The following LHCGR variants were observed in gnomAD, a reference collection of about 807,000 sequenced individuals.
LHCGR encodes the protein lutropin-choriogonadotropic hormone receptor.
Under a neutral mutation model 60.7 loss-of-function variants are expected in LHCGR, and 55 were observed. The observed-to-expected ratio is 0.91, with a 90% CI of 0.73 to 1.13. LHCGR has a LOEUF of 1.13. Ranked by LOEUF, LHCGR falls within the 50% of genes most tolerant of loss-of-function variation. The probability of loss-of-function intolerance (pLI) is 0.00; values close to 1 mark genes in which losing one functional copy is unlikely to be tolerated. For synonymous variants in LHCGR, 337 were observed against 316.5 expected, an observed-to-expected ratio of 1.06 and a Z score of -0.69; for missense variants, 862 against 836.0, an observed-to-expected ratio of 1.03 and a Z score of -0.38.
At chr2:48,755,489 G>T in intron 1 of LHCGR, 22 bp downstream of exon 1, 3 of 1,487,416 alleles carry the variant, frequency 2.0e-6, no homozygotes, top group South Asian at 1.2e-5. Context: ...AGGGCGCCGC[G>T]ACGGGAGCGC....
chr2:48,718,376 C>G (rs935647696), intron 6 of LHCGR, among the ~76,000 whole-genome samples: 1 of 152,090 alleles, frequency 6.6e-6, no homozygotes, highest in Non-Finnish European at 1.5e-5. Context: ...TTATAATGAA[C>G]CCCAAATATT....
chr2:48,723,769 A>C, intron 4 of LHCGR, 73 bp from the exon 5 acceptor site: 1 of 1,120,378 alleles, frequency 8.9e-7, no homozygotes, highest in Non-Finnish European at 1.4e-6. Flanking sequence ...CATAAAGATA[A>C]AAAGAGAGTA....
chr2:48,706,980 T>C (rs748441136), intron 8 of LHCGR, among the ~76,000 whole-genome samples: 35 of 152,190 alleles, frequency 2.3e-4, no homozygotes, highest in Admixed American at 3.3e-4. Context: ...TGTTCTGGTT[T>C]TTGGAATTTT....
chr2:48,717,342 T>C (rs1668295590), intron 6 of LHCGR, among the ~76,000 whole-genome samples: 1 of 152,342 alleles, frequency 6.6e-6, no homozygotes, highest in South Asian at 2.1e-4. Context: ...CTGAACCCAA[T>C]TGCTTGAATC....
At chr2:48,717,081 T>C (rs550777881) in intron 6 of LHCGR, among the ~76,000 whole-genome samples, 4 of 152,278 alleles carry the variant, frequency 2.6e-5, no homozygotes, top group East Asian at 3.9e-4. Flanking sequence ...TGGCTTGGAA[T>C]TGTGTCCAGA....
At chr2:48,731,906 A>T (rs558517330) in intron 1 of LHCGR, among the ~76,000 whole-genome samples, 2 of 152,202 alleles carry the variant, frequency 1.3e-5, no homozygotes, top group African/African-American at 4.8e-5. Context: ...GCCTATTTCA[A>T]TATTATTCCA....
chr2:48,721,892 C>T, intron 6 of LHCGR: 1 of 420,850 alleles, frequency 2.4e-6, no homozygotes, highest in South Asian at 1.8e-5. Context: ...TGACTCATGC[C>T]TGTTTTCCCA....
At chr2:48,689,385 T>C (rs1188338123) in intron 10 of LHCGR, among the ~76,000 whole-genome samples, 1 of 152,178 alleles carries the variant, frequency 6.6e-6, no homozygotes, top group East Asian at 1.9e-4. Context: ...ACCAAGCTGT[T>C]CGTATGTAGT....
chr2:48,742,243 G>A (rs1366918696), intron 1 of LHCGR, among the ~76,000 whole-genome samples: 4 of 151,872 alleles, frequency 2.6e-5, no homozygotes. Flanking sequence ...ATTAATAATG[G>A]GAGACTTTAA....
intron 8 of LHCGR, among the ~76,000 whole-genome samples, chr2:48,703,004 G>A (rs1419298223): frequency 6.6e-6 from 1 of 152,174 alleles, no homozygotes; most frequent in Non-Finnish European, 1.5e-5. Context: ...GTTTTGATTT[G>A]CATTTCTCTC....
chr2:48,711,142 G>A (rs980143262), intron 7 of LHCGR, among the ~76,000 whole-genome samples: 2 of 152,256 alleles, frequency 1.3e-5, no homozygotes, highest in Middle Eastern at 3.4e-3. Context: ...TGACACAGTG[G>A]AATCCTTGTC....
intron 1 of LHCGR, among the ~76,000 whole-genome samples, chr2:48,737,045 G>A (rs35429744): frequency 0.084 from 12,787 of 152,250 alleles, 809 homozygotes; most frequent in East Asian, 0.21. Context: ...GGTGCAGAGG[G>A]AGAGAAGAGC....
intron 10 of LHCGR, among the ~76,000 whole-genome samples, chr2:48,690,563 T>C (rs1680181196): frequency 6.6e-6 from 1 of 152,180 alleles, no homozygotes; most frequent in African/African-American, 2.4e-5. Context: ...TTCCCTTTGG[T>C]CACATAAAAT....
chr2:48,689,600 G>C (rs1475460933), intron 10 of LHCGR, among the ~76,000 whole-genome samples: 1 of 152,214 alleles, frequency 6.6e-6, no homozygotes, highest in Non-Finnish European at 1.5e-5. Context: ...TTAGGGGTAT[G>C]AGTCAAAGAC....
In LHCGR at chr2:48,686,812, A is replaced by G. The variant is rs1309412004; in HGVS notation, c.*885T>C. ...TTTAAACATTTTATTTCATTCAAAT[A>G]AAAATATAAGCTCTAGAAAAAATTG... On this transcript the variant is annotated 3_prime_UTR_variant, in exon 11 of 11. Transcript: ENST00000294954. The G allele has an allele frequency of 6.6e-6, 1 of 152,172 alleles. No individual in the cohort carries two copies. Among genetic ancestry groups the G allele is most frequent in the Non-Finnish European group, 1.5e-5 (1 of 68,030 alleles). The allele number at this position is 152,172 out of a possible 1,614,324, so 9.4% of individuals were successfully genotyped here.
intron 1 of LHCGR, among the ~76,000 whole-genome samples, chr2:48,735,875 G>T (rs1669186789): frequency 6.6e-6 from 1 of 152,160 alleles, no homozygotes; most frequent in South Asian, 2.1e-4. Flanking sequence ...CCCAGTGTTG[G>T]AGGTGGGGCT....
At chr2:48,693,836 CT>C (rs760114382) in intron 10 of LHCGR, among the ~76,000 whole-genome samples, 1 of 152,146 alleles carries the variant, frequency 6.6e-6, no homozygotes, top group Non-Finnish European at 1.5e-5. Flanking sequence ...GAAGTGGCTA[CT>C]TTTAAGCTAC....
At chr2:48,693,540 G>A (rs1666967388) in intron 10 of LHCGR, among the ~76,000 whole-genome samples, 1 of 152,142 alleles carries the variant, frequency 6.6e-6, no homozygotes, top group Non-Finnish European at 1.5e-5. Flanking sequence ...TATCTTAGAG[G>A]GACATCTAGT....
chr2:48,687,629 T>G lies in LHCGR; in HGVS notation c.*68A>C. ...TAAATCCAACCCTTTATGTTAAAATTACTGGTACAGGTAATTTTTTTTTAC... is the reference window on the plus strand; with the variant it reads ...TAAATCCAACCCTTTATGTTAAAATGACTGGTACAGGTAATTTTTTTTTAC... On this transcript the variant is annotated 3_prime_UTR_variant, in exon 11 of 11. Transcript: ENST00000294954. The G allele has an allele frequency of 7.6e-7, 1 of 1,312,258 alleles. No homozygotes were observed. The highest frequency in any genetic ancestry group is 1.2e-5 in the South Asian group (1 of 83,972). The allele number at this position is 1,312,258 out of a possible 1,614,324, so 81.3% of individuals were successfully genotyped here.
Sources: gnomAD v4.1 joint callset for allele counts (sites outside exome capture counted in the v4.1 genomes callset) on GRCh38, gnomAD v4.1.1 for gene constraint, MANE v1.5 for transcripts, NCBI Gene and HGNC (gene_info 2026-07-23, HGNC 2026-07-21) for gene names.